The following FOXP4 variants were observed in gnomAD, a reference collection of about 807,000 sequenced individuals.
FOXP4 encodes forkhead box protein P4.
A neutral mutation model predicts 82.6 loss-of-function variants in FOXP4; 25 were observed. The ratio of observed to expected loss-of-function variants is 0.30; its 90% CI spans 0.22 to 0.42. FOXP4 has a LOEUF of 0.42. FOXP4 is among the 10% of genes least tolerant of loss of function. The pLI, the probability that FOXP4 is intolerant of heterozygous loss-of-function variation, is 1.00. For synonymous variants in FOXP4, 415 were observed against 388.2 expected (o/e 1.07, Z -0.81); for missense variants, 785 against 900.9 (o/e 0.87, Z 1.65).
chr6:41,581,498 T>A (rs1399872858), intron 3 of FOXP4, among the ~76,000 whole-genome samples: 1 of 152,238 alleles, frequency 6.6e-6, no homozygotes, highest in African/African-American at 2.4e-5. Flanking sequence ...GCTGCCCAGC[T>A]ACTCTCCAGA....
chr6:41,584,559 CA>C (rs1357266496), intron 3 of FOXP4, among the ~76,000 whole-genome samples: 1 of 152,232 alleles, frequency 6.6e-6, no homozygotes, highest in African/African-American at 2.4e-5. Context: ...TAGGTACTAT[CA>C]CTGTTTTCGT....
chr6:41,584,849 G>C lies in FOXP4; in HGVS notation c.381G>C (p.Leu127=). ...QMQQILSPPQ[L]QALLQQQQAL... ...AGCAGATCCTGTCGCCCCCGCAGCTGCAGGCCTTGCTCCAGCAGCAGCAAG... is the reference window on the plus strand; with the variant it reads ...AGCAGATCCTGTCGCCCCCGCAGCTCCAGGCCTTGCTCCAGCAGCAGCAAG... The change falls in exon 4 of 17, where the codon CTG becomes CTC. Residue 127 remains leucine (L), a synonymous_variant. Coordinates refer to ENST00000307972, the MANE Select transcript of FOXP4 (RefSeq NM_001012426.2). 3 of 1,610,656 alleles carry C rather than the reference G, an allele frequency of 1.9e-6. No homozygotes were observed. Among genetic ancestry groups the C allele is most frequent in the Non-Finnish European group, 2.5e-6 (3 of 1,178,674 alleles).
intron 1 of FOXP4, among the ~76,000 whole-genome samples, chr6:41,547,776 G>GT (rs1459225741): frequency 7.1e-6 from 1 of 139,952 alleles, no homozygotes; most frequent in African/African-American, 3.0e-5. Flanking sequence ...GACCGAGCAG[G>GT]ACCCCCCCCC....
In FOXP4 at chr6:41,587,154, A is replaced by C. The variant is rs773097794; in HGVS notation, c.656A>C (p.Gln219Pro). The C allele has an allele frequency of 6.3e-7, 1 of 1,595,144 alleles. No homozygotes were observed. Among genetic ancestry groups the C allele is most frequent in the Non-Finnish European group, 8.5e-7 (1 of 1,172,294 alleles). ...TCGGGGCCCCTCCAGACCCTTCCGCAAGGTGAGCACCCGCCACTCCTCCCC... is the reference window on the plus strand; with the variant it reads ...TCGGGGCCCCTCCAGACCCTTCCGCCAGGTGAGCACCCGCCACTCCTCCCC... ...QASGPLQTLP[Q>P]AAVCPTDLPQ... is the part of the protein sequence containing the mutation. The change falls in exon 6 of 17, where the codon CAA becomes CCA. Residue 219 changes from glutamine to proline, a missense_variant and splice_region_variant. Physicochemically the swap from Gln to Pro is moderately conservative, Grantham distance 76. Coordinates refer to ENST00000307972, the MANE Select transcript of FOXP4 (RefSeq NM_001012426.2).
At chr6:41,560,436 C>T (rs1469374827) in intron 1 of FOXP4, among the ~76,000 whole-genome samples, 1 of 152,216 alleles carries the variant, frequency 6.6e-6, no homozygotes, top group Admixed American at 6.5e-5. Context: ...ATTTAAATTC[C>T]AACCGCCACC....
rs1433373244 is a variant in FOXP4, at chr6:41,558,474, C to T, written c.-16-7271C>T. On this transcript the variant is annotated intron_variant, in intron 1 of 16. Coordinates refer to ENST00000307972, the MANE Select transcript of FOXP4 (RefSeq NM_001012426.2). The surrounding 1 kb of genome is among the most constrained non-coding windows in gnomAD (Gnocchi z 4.0). ...ACTACCCTTCTCTAAACATCTTCCT[C>T]ATGCAGTGTGTCTTATTTGATACCA... 6.6e-6 allele frequency among the ~76,000 whole-genome samples: 1 copy of T among 152,232 alleles called. No homozygotes were observed. The highest frequency in any genetic ancestry group is 1.9e-4 in the East Asian group (1 of 5,200).
chr6:41,583,584 T>A (rs982427997), intron 3 of FOXP4, among the ~76,000 whole-genome samples: 26 of 152,144 alleles, frequency 1.7e-4, no homozygotes, highest in Admixed American at 2.0e-4. Context: ...TAACACTTAG[T>A]GTACCTACCA....
At chr6:41,563,704 T>TCAGGTG (rs1764719305) in intron 1 of FOXP4, among the ~76,000 whole-genome samples, 1 of 152,184 alleles carries the variant, frequency 6.6e-6, no homozygotes, top group Non-Finnish European at 1.5e-5. Flanking sequence ...GCTTGCTCTG[T>TCAGGTG]CAGGTGCCAT....
chr6:41,576,911 A>G (rs1307276005), intron 2 of FOXP4, among the ~76,000 whole-genome samples: 2 of 152,152 alleles, frequency 1.3e-5, no homozygotes, highest in Non-Finnish European at 2.9e-5. Flanking sequence ...GGTCTTGAGC[A>G]ATCTGGAAGC....
chr6:41,558,096 G>T lies in FOXP4; in HGVS notation c.-16-7649G>T, dbSNP rs747791711. 6.6e-6 allele frequency among the ~76,000 whole-genome samples: 1 copy of T among 152,118 alleles called. No individual in the cohort carries two copies. The highest frequency in any genetic ancestry group is 2.4e-5 in the African/African-American group (1 of 41,412). ...GGCCAGGAACTCAGGCAGAGATGGG[G>T]GTACAGAGGGAAGTCCAGCGTGCCA... On this transcript the variant is annotated intron_variant, in intron 1 of 16. Coordinates refer to ENST00000307972, the MANE Select transcript of FOXP4 (RefSeq NM_001012426.2). This position sits in a 1 kb window ranked among gnomAD's most constrained non-coding sequence, Gnocchi z 4.0.
rs752676189 is a variant in FOXP4 at position 41,589,961 on chromosome 6, A to T, written c.1150-2A>T. 1.2e-6 allele frequency: 2 copies of T among 1,613,574 alleles called. No homozygotes were observed. Among genetic ancestry groups the T allele is most frequent in the Non-Finnish European group, 1.7e-6 (2 of 1,179,844 alleles). ...TCTCAGTACCCTCCCCGTTGCTCACAGCTGAACCCGGTCCCCGGCTCCTCC... is the reference window on the plus strand; with the variant it reads ...TCTCAGTACCCTCCCCGTTGCTCACTGCTGAACCCGGTCCCCGGCTCCTCC... On this transcript the variant is annotated splice_acceptor_variant, in intron 10 of 16. Transcript: ENST00000307972. LOFTEE classifies it high-confidence loss of function.
intron 14 of FOXP4, among the ~76,000 whole-genome samples, chr6:41,596,427 G>C (rs1300770106): frequency 6.6e-6 from 1 of 152,220 alleles, no homozygotes; most frequent in African/African-American, 2.4e-5. Flanking sequence ...CTGCTTACCA[G>C]GCAGGAGCCT....
At chr6:41,589,588 G>A (rs1355387223) in intron 9 of FOXP4, among the ~76,000 whole-genome samples, 183 bp from the exon 10 acceptor site, 3 of 152,344 alleles carry the variant, frequency 2.0e-5, no homozygotes, top group South Asian at 2.1e-4. Flanking sequence ...CAGCCCTTGA[G>A]GGGTAGAGCA....
At chr6:41,566,148 G>C (rs1245903865) in intron 2 of FOXP4, among the ~76,000 whole-genome samples, 184 bp downstream of exon 2, 1 of 152,164 alleles carries the variant, frequency 6.6e-6, no homozygotes, top group African/African-American at 2.4e-5. Context: ...CTTGAGCCTA[G>C]GCTACCACAG....
intron 2 of FOXP4, among the ~76,000 whole-genome samples, chr6:41,572,399 G>A (rs937912396): frequency 7.9e-5 from 12 of 152,126 alleles, no homozygotes; most frequent in Admixed American, 3.3e-4. Context: ...CCATTAGAAC[G>A]TGAGCCCCGT....
intron 2 of FOXP4, among the ~76,000 whole-genome samples, chr6:41,567,510 A>G (rs1314318331): frequency 6.6e-6 from 1 of 152,168 alleles, no homozygotes; most frequent in Admixed American, 6.5e-5. Flanking sequence ...TACCAACATA[A>G]TAGCAAAACA....
In FOXP4 at chr6:41,589,032, G is replaced by T. The variant is rs560620726; in HGVS notation, c.1065+301G>T. On this transcript the variant is annotated intron_variant, in intron 9 of 16. Coordinates refer to ENST00000307972, the MANE Select transcript of FOXP4 (RefSeq NM_001012426.2). ...ACATATGGAGCACTTACTTTGTGCT[G>T]TGCTAAATACTTTATATAGCTCAAG... 2.0e-5 allele frequency among the ~76,000 whole-genome samples: 3 copies of T among 152,328 alleles called. No individual in the cohort carries two copies. In the East Asian group the frequency reaches 5.8e-4, roughly 29 times the overall value.
At chr6:41,577,087 C>T (rs1394781388) in intron 2 of FOXP4, among the ~76,000 whole-genome samples, 5 of 152,024 alleles carry the variant, frequency 3.3e-5, no homozygotes, top group African/African-American at 1.2e-4. Flanking sequence ...GTTTACCTTC[C>T]GGGCCCCTCC....
chr6:41,585,572 T>A, intron 5 of FOXP4, 55 bp downstream of exon 5: 1 of 1,508,160 alleles, frequency 6.6e-7, no homozygotes, highest in Non-Finnish European at 9.1e-7. Context: ...CAGAGCTGGG[T>A]GTCCAGAGCT....
Sources: allele counts gnomAD v4.1 joint callset (sites outside exome capture counted in the v4.1 genomes callset), GRCh38; gene constraint gnomAD v4.1.1; non-coding constraint Gnocchi (gnomAD v3.1); transcripts MANE v1.5; gene names NCBI Gene and HGNC (gene_info 2026-07-23, HGNC 2026-07-21).